Variants in RGS6 observed in about 807,000 individuals in gnomAD.
RGS6 encodes the protein regulator of G protein signaling 6, also known as regulator of G-protein signaling 6.
Under a neutral mutation model 78.5 loss-of-function variants are expected in RGS6, and 30 were observed. The ratio of observed to expected loss-of-function variants is 0.38; its 90% CI spans 0.29 to 0.52. RGS6 has a LOEUF of 0.52. Among genes scored for constraint, RGS6 ranks in the 20% least tolerant of loss-of-function variants. The probability of loss-of-function intolerance (pLI) is 0.85; values close to 1 mark genes in which losing one functional copy is unlikely to be tolerated. For synonymous variants in RGS6, 206 were observed against 206.0 expected, an observed-to-expected ratio of 1.00 and a Z score of 0.00; for missense variants, 495 against 609.7, an observed-to-expected ratio of 0.81 and a Z score of 1.98.
chr14:72,196,602 A>G (rs2040219379), intron 2 of RGS6, among the ~76,000 whole-genome samples: 1 of 152,206 alleles, frequency 6.6e-6, no homozygotes, highest in Non-Finnish European at 1.5e-5. Context: ...ATGAAGAAAA[A>G]GCAAGAAAAG....
intron 3 of RGS6, among the ~76,000 whole-genome samples, chr14:72,409,705 C>T (rs1164138850): frequency 6.6e-6 from 1 of 151,892 alleles, no homozygotes; most frequent in Admixed American, 6.6e-5. Flanking sequence ...CAGTGCTATC[C>T]CTCCCCTCTC....
chr14:72,620,378 T>C, the RGS6 span, among the ~76,000 whole-genome samples: 2 of 152,234 alleles, frequency 1.3e-5, no homozygotes, highest in Non-Finnish European at 2.9e-5. Flanking sequence ...AAGATCTTAA[T>C]TGAATTCTTC....
intron 4 of RGS6, among the ~76,000 whole-genome samples, chr14:72,457,160 A>G (rs184393938): frequency 2.6e-5 from 4 of 151,874 alleles, no homozygotes; most frequent in African/African-American, 7.2e-5. Flanking sequence ...ATTCATTCCA[A>G]TTCCACCAGT....
the RGS6 span, among the ~76,000 whole-genome samples, chr14:72,593,166 A>G: frequency 6.6e-6 from 1 of 152,220 alleles, no homozygotes; most frequent in African/African-American, 2.4e-5. Context: ...CCAAGAAAGA[A>G]TATCAGTTGC....
At chr14:72,486,378 G>A (rs1161933955) in intron 12 of RGS6, among the ~76,000 whole-genome samples, 2 of 152,072 alleles carry the variant, frequency 1.3e-5, no homozygotes, top group Non-Finnish European at 2.9e-5. Flanking sequence ...ATCAACCATG[G>A]CCAGGAGCAG....
intron 2 of RGS6, among the ~76,000 whole-genome samples, chr14:71,989,357 A>G (rs1168586645): frequency 2.0e-5 from 3 of 152,228 alleles, no homozygotes; most frequent in Non-Finnish European, 1.5e-5. Flanking sequence ...GGAGCTGCTT[A>G]CTTCTGATCT....
intron 2 of RGS6, among the ~76,000 whole-genome samples, chr14:72,304,904 A>G (rs920876931): frequency 6.9e-6 from 1 of 145,284 alleles, no homozygotes; most frequent in Admixed American, 6.9e-5. Flanking sequence ...AAAAATTAAT[A>G]AACATTGCCA....
At chr14:72,028,009 G>A (rs558549673) in intron 2 of RGS6, among the ~76,000 whole-genome samples, 3 of 152,270 alleles carry the variant, frequency 2.0e-5, no homozygotes, top group African/African-American at 2.4e-5. Flanking sequence ...GGGGACTGCC[G>A]CTGTGCTGGG....
chr14:72,478,798 C>T (rs1433038741), intron 12 of RGS6, among the ~76,000 whole-genome samples: 1 of 152,194 alleles, frequency 6.6e-6, no homozygotes, highest in African/African-American at 2.4e-5. Flanking sequence ...TGAACTGCAT[C>T]GAATCAGCTG....
intron 2 of RGS6, among the ~76,000 whole-genome samples, chr14:72,297,600 G>C (rs936063206): frequency 4.7e-4 from 48 of 101,666 alleles, no homozygotes; most frequent in Non-Finnish European, 5.2e-4. Flanking sequence ...ACAGTCCCCA[G>C]AGTGTGGTAT....
chr14:72,084,577 A>G (rs1271012319), intron 2 of RGS6, among the ~76,000 whole-genome samples: 2 of 152,184 alleles, frequency 1.3e-5, no homozygotes, highest in East Asian at 3.9e-4. Context: ...CGTAACTCAG[A>G]TAAAAAATAG....
At chr14:72,050,343 A>G (rs1459043012) in intron 2 of RGS6, among the ~76,000 whole-genome samples, 1 of 152,222 alleles carries the variant, frequency 6.6e-6, no homozygotes, top group African/African-American at 2.4e-5. Context: ...TTCATTTTTC[A>G]TAATTAACCT....
intron 2 of RGS6, among the ~76,000 whole-genome samples, chr14:72,056,808 C>T (rs760708729): frequency 4.3e-4 from 65 of 152,148 alleles, no homozygotes; most frequent in Non-Finnish European, 9.1e-4. Context: ...TTACATGAAA[C>T]ACAATAAACT....
intron 3 of RGS6, among the ~76,000 whole-genome samples, chr14:72,378,387 A>G (rs892712709): frequency 3.9e-5 from 6 of 152,126 alleles, no homozygotes; most frequent in Non-Finnish European, 8.8e-5. Flanking sequence ...AAACTGAAGG[A>G]AAAAATACAA....
the RGS6 span, among the ~76,000 whole-genome samples, chr14:72,602,347 C>T: frequency 1.1e-4 from 17 of 152,188 alleles, 1 homozygote; most frequent in Admixed American, 1.1e-3. Context: ...AGAGGAAGAA[C>T]CATACATGCT....
At chr14:72,498,911 A>G (rs1284490882) in intron 13 of RGS6, among the ~76,000 whole-genome samples, 1 of 152,186 alleles carries the variant, frequency 6.6e-6, no homozygotes, top group African/African-American at 2.4e-5. Context: ...GCATAGATCA[A>G]TTGCCAAGGT....
At chr14:72,319,277 CA>C (rs1335424240) in intron 2 of RGS6, among the ~76,000 whole-genome samples, 3 of 151,906 alleles carry the variant, frequency 2.0e-5, no homozygotes, top group African/African-American at 7.2e-5. Context: ...ATAAAGAGGT[CA>C]GGGGTAATAT....
chr14:72,170,230 A>G (rs943128362), intron 2 of RGS6, among the ~76,000 whole-genome samples: 2 of 152,242 alleles, frequency 1.3e-5, no homozygotes, highest in Non-Finnish European at 2.9e-5. Flanking sequence ...CAAAATGATC[A>G]TATTGTACCT....
At chr14:71,904,245 C>T in the RGS6 span, among the ~76,000 whole-genome samples, 1 of 152,090 alleles carries the variant, frequency 6.6e-6, no homozygotes, top group Non-Finnish European at 1.5e-5. Context: ...TTTCCCTTTG[C>T]CTCCTCCCTC....
Sources: gnomAD v4.1 joint callset for allele counts (sites outside exome capture counted in the v4.1 genomes callset) on GRCh38, gnomAD v4.1.1 for gene constraint, MANE v1.5 for transcripts, NCBI Gene and HGNC (gene_info 2026-07-23, HGNC 2026-07-21) for gene names.